DEUP1: variants seen among roughly 807,000 people sequenced by gnomAD.
The protein encoded by DEUP1 is deuterosome assembly protein 1.
In DEUP1, 82 loss-of-function variants were observed where a neutral mutation model predicts 87.4. The observed-to-expected ratio is 0.94, with a 90% CI of 0.78 to 1.13. DEUP1 has a LOEUF of 1.13. Ranked by LOEUF, DEUP1 falls within the 50% of genes most tolerant of loss-of-function variation. The pLI, the probability that DEUP1 is intolerant of heterozygous loss-of-function variation, is 0.00. For missense variants in DEUP1, 663 were observed against 681.5 expected (o/e 0.97, Z 0.30); for synonymous variants, 214 against 222.7 (o/e 0.96, Z 0.35).
chr11:93,385,540 C>T lies in DEUP1; in HGVS notation c.932C>T (p.Thr311Ile), dbSNP rs1268406629. 3 of 1,599,040 alleles carry T rather than the reference C, an allele frequency of 1.9e-6. No homozygotes were observed. The highest frequency in any genetic ancestry group is 1.7e-6 in the Non-Finnish European group (2 of 1,174,486). Residue 311 changes from threonine (T) to isoleucine (I), a missense_variant, in exon 8 of 14, where the codon ACA becomes ATA. Thr to Ile is a moderately conservative substitution (Grantham distance 89). Coordinates refer to ENST00000298050, the MANE Select transcript of DEUP1 (RefSeq NM_181645.4). Reference protein sequence around the residue: ...GECQNAQGNKTRLESSYLPSI... With the variant: ...GECQNAQGNKIRLESSYLPSI... The stretch of plus-strand genomic sequence containing the variant: ...TGCCAAAATGCTCAAGGAAATAAAA[C>T]AAGGTATAATCTTTATATTTGACAA...
Position 93,437,703 on chromosome 11 carries a change from A to G in DEUP1, c.1799A>G (p.Gln600Arg). 1 of 1,599,226 alleles carries G rather than the reference A, an allele frequency of 6.3e-7. No homozygotes were observed. The change falls in exon 14 of 14, where the codon CAA becomes CGA. Residue 600 changes from glutamine to arginine, a missense_variant. Gln to Arg is a conservative substitution (Grantham distance 43, BLOSUM62 1). Transcript: ENST00000298050. Reference sequence around the variant, plus strand: ...CTTAATAAATACTCCAAGCTAAAACAAAATAGACACATATGAGCTTTTAAA... The same window carrying G: ...CTTAATAAATACTCCAAGCTAAAACGAAATAGACACATATGAGCTTTTAAA... ...FTLNKYSKLK[Q>R]NRHI
At position 93,370,968 on chromosome 11, in the gene DEUP1, A is replaced by G. The variant is rs558995472; in HGVS notation, c.547-70A>G. On this transcript the variant is annotated intron_variant, in intron 6 of 13. Coordinates refer to ENST00000298050, the MANE Select transcript of DEUP1 (RefSeq NM_181645.4). The stretch of plus-strand genomic sequence containing the variant: ...ATATTCCTACTAATTCTTTTCTATC[A>G]TTCTTGAACTTCATGTAAGCTTAAA... The G allele has an allele frequency of 1.6e-5, 22 of 1,345,646 alleles. No individual in the cohort carries two copies. In the South Asian group the frequency reaches 2.0e-4, roughly 12 times the overall value. The allele number at this position is 1,345,646 out of a possible 1,614,324, so 83.4% of individuals were successfully genotyped here. A position where few individuals can be genotyped will look rare whatever the true frequency, so the allele number is the denominator to read the frequency against.
At position 93,408,275 on chromosome 11, in the gene DEUP1, T is replaced by G. The variant is rs764773039; in HGVS notation, c.1371T>G (p.Ile457Met). 3.2e-6 allele frequency: 5 copies of G among 1,585,090 alleles called. No individual in the cohort carries two copies. The Middle Eastern group carries it at 6.7e-4, about 211-fold the overall frequency. Residue 457 changes from isoleucine to methionine, a missense_variant, in exon 12 of 14, where the codon ATT becomes ATG. Transcript: ENST00000298050. ...TNREQSRHTSINKLQYENERL... is the reference protein window; with the variant it reads ...TNREQSRHTSMNKLQYENERL... ...GGGAACAGTCAAGGCATACATCTATTAATAAACTGCAATATGAGAATGAAA... is the reference window on the plus strand; with the variant it reads ...GGGAACAGTCAAGGCATACATCTATGAATAAACTGCAATATGAGAATGAAA...
In DEUP1 at chr11:93,437,744, C is replaced by CCCG. The variant is rs754594398; in HGVS notation, c.*27_*28insGCC. On this transcript the variant is annotated 3_prime_UTR_variant, in exon 14 of 14. Transcript: ENST00000298050. ...AGCTTTTAAACTTTTTTATTTGCTT[C>CCCG]CCCCCCCCACCCCCGCCAAGAAAAA... is the stretch of plus-strand genomic sequence containing the variant. The CCCG allele has an allele frequency of 4.7e-6, 4 of 857,752 alleles. No homozygotes were observed. In the African/African-American group the frequency reaches 1.1e-4, roughly 24 times the overall value. 53.1% of individuals were successfully genotyped at this position (857,752 alleles called of 1,614,324 possible). A position where few individuals can be genotyped will look rare whatever the true frequency, so the allele number is the denominator to read the frequency against.
chr11:93,352,021 G>A (rs1944649632), intron 2 of DEUP1, among the ~76,000 whole-genome samples: 1 of 152,110 alleles, frequency 6.6e-6, no homozygotes, highest in Admixed American at 6.5e-5. Flanking sequence ...ACATTAAATG[G>A]GAAGCAGCTG....
chr11:93,411,862 A>G (rs1317525077), intron 12 of DEUP1, among the ~76,000 whole-genome samples: 2 of 152,230 alleles, frequency 1.3e-5, no homozygotes, highest in Admixed American at 1.3e-4. Context: ...TAGCTAATAA[A>G]TTAAGAGTTT....
At position 93,370,060 on chromosome 11, in the gene DEUP1, C is replaced by A. The variant is rs1223210017; in HGVS notation, c.433-13C>A. The A allele has an allele frequency of 7.1e-7, 1 of 1,398,650 alleles. No homozygotes were observed. Among genetic ancestry groups the A allele is most frequent in the East Asian group, 2.3e-5 (1 of 43,414 alleles). The allele number at this position is 1,398,650 out of a possible 1,614,324, so 86.6% of individuals were successfully genotyped here. A position where few individuals can be genotyped will look rare whatever the true frequency, so the allele number is the denominator to read the frequency against. ...ACATTTTTAAATATGTTTGTCTCCC[C>A]ACTTTTTAAAAGGAATTTAGAGCAA... On this transcript the variant is annotated splice_polypyrimidine_tract_variant and intron_variant, in intron 5 of 13. Transcript: ENST00000298050.
At chr11:93,415,176 A>G in intron 13 of DEUP1, 62 bp downstream of exon 13, 3 of 969,846 alleles carry the variant, frequency 3.1e-6, no homozygotes, top group Middle Eastern at 2.2e-4. Flanking sequence ...TCTTACACTG[A>G]TGTCAATAAA....
intron 13 of DEUP1, among the ~76,000 whole-genome samples, chr11:93,430,993 A>G (rs1188886986): frequency 6.6e-6 from 1 of 151,172 alleles, no homozygotes; most frequent in Non-Finnish European, 1.5e-5. Flanking sequence ...CTACTCCAGA[A>G]GCTGAGGCAA....
At chr11:93,339,857 C>G (rs1336099692) in intron 2 of DEUP1, among the ~76,000 whole-genome samples, 1 of 152,176 alleles carries the variant, frequency 6.6e-6, no homozygotes, top group Non-Finnish European at 1.5e-5. Context: ...GTTCCTCCCT[C>G]CAAGTGGCAA....
chr11:93,364,213 A>C lies in DEUP1; in HGVS notation c.351A>C (p.Gln117His). 6.2e-7 allele frequency: 1 copy of C among 1,607,810 alleles called. No individual in the cohort carries two copies. Among genetic ancestry groups the C allele is most frequent in the Non-Finnish European group, 8.5e-7 (1 of 1,174,996 alleles). The change falls in exon 5 of 14, where the codon CAA becomes CAC. Residue 117 changes from glutamine (Q) to histidine (H), a missense_variant. Physicochemically the swap from Gln to His is conservative, Grantham distance 24 (BLOSUM62 0). Coordinates refer to ENST00000298050, the MANE Select transcript of DEUP1 (RefSeq NM_181645.4). ...FEKLRLHQMK[Q>H]NKVPRKELPH... ...AACTGAGATTACATCAGATGAAACA[A>C]AACAAAGTTCCACGAAAAGAATTAC...
At chr11:93,417,730 C>G (rs1591259143) in intron 13 of DEUP1, among the ~76,000 whole-genome samples, 1 of 149,490 alleles carries the variant, frequency 6.7e-6, no homozygotes, top group African/African-American at 2.5e-5. Flanking sequence ...CAAGTCAATC[C>G]TAAGCCAAAA....
At chr11:93,406,660 A>G (rs1323813382) in intron 11 of DEUP1, among the ~76,000 whole-genome samples, 2 of 151,930 alleles carry the variant, frequency 1.3e-5, no homozygotes, top group Non-Finnish European at 2.9e-5. Context: ...TATATCACAC[A>G]CTAAAATTAA....
intron 5 of DEUP1, 39 bp from the exon 6 acceptor site, chr11:93,370,034 A>T (rs1468549531): frequency 9.6e-7 from 1 of 1,040,672 alleles, no homozygotes; most frequent in African/African-American, 1.6e-5. Context: ...TAAAATGAAT[A>T]ACATTTTTAA....
At chr11:93,340,205 T>C (rs1040852638) in intron 2 of DEUP1, among the ~76,000 whole-genome samples, 2 of 152,074 alleles carry the variant, frequency 1.3e-5, no homozygotes, top group African/African-American at 4.8e-5. Context: ...ATTATGAGAA[T>C]AGAGAGTTAC....
rs940654860 is a variant in DEUP1 at position 93,380,694 on chromosome 11, C to T, written c.790-4704C>T. On this transcript the variant is annotated intron_variant, in intron 7 of 13. Coordinates refer to ENST00000298050, the MANE Select transcript of DEUP1 (RefSeq NM_181645.4). ...CTGGGATTACAGGAGTGAGCCACCG[C>T]GCCCGGCCAGCTAATAACAACTTTT... Among the ~76,000 whole-genome samples, 11 of 152,170 alleles carry T rather than the reference C, an allele frequency of 7.2e-5. No homozygotes were observed. In the East Asian group the frequency reaches 9.7e-4, roughly 13 times the overall value.
intron 11 of DEUP1, among the ~76,000 whole-genome samples, chr11:93,398,215 A>C (rs1430419596): frequency 1.3e-5 from 2 of 152,172 alleles, no homozygotes; most frequent in Non-Finnish European, 2.9e-5. Flanking sequence ...ATCCCTTGGA[A>C]TCTTTCCAAG....
In DEUP1 at chr11:93,396,300, G is replaced by C. The variant is rs1260509943; in HGVS notation, c.1301G>C (p.Gly434Ala). The C allele has an allele frequency of 3.8e-6, 6 of 1,580,484 alleles. No individual in the cohort carries two copies. Among genetic ancestry groups the C allele is most frequent in the East Asian group, 2.3e-5 (1 of 43,976 alleles). Residue 434 changes from glycine to alanine, a missense_variant, in exon 11 of 14, where the codon GGA becomes GCA. Transcript: ENST00000298050. The stretch of plus-strand genomic sequence containing the variant: ...AACACACATCTAAAAGGAATGATGG[G>C]AGATTTAGACCCCGGAGAATACATG... ...TENTHLKGMM[G>A]DLDPGEYMSM... is the part of the protein sequence containing the mutation.
intron 7 of DEUP1, among the ~76,000 whole-genome samples, chr11:93,375,218 A>G (rs781238802): frequency 6.6e-6 from 1 of 152,160 alleles, no homozygotes; most frequent in Non-Finnish European, 1.5e-5. Flanking sequence ...TTCTAGGTAT[A>G]TGATCATGTC....
Sources: allele counts gnomAD v4.1 joint callset (sites outside exome capture counted in the v4.1 genomes callset), GRCh38; gene constraint gnomAD v4.1.1; transcripts MANE v1.5; gene names NCBI Gene and HGNC (gene_info 2026-07-23, HGNC 2026-07-21).